KALRN: variants seen among roughly 807,000 people sequenced by gnomAD.
The protein encoded by KALRN is kalirin RhoGEF kinase.
Under a neutral mutation model 353.7 loss-of-function variants are expected in KALRN, and 70 were observed. The ratio of observed to expected loss-of-function variants is 0.20; its 90% CI spans 0.16 to 0.24. The LOEUF (loss-of-function observed/expected upper bound fraction) is 0.24, where lower values mean the gene tolerates loss of function less well. Ranked by LOEUF, KALRN falls within the 10% of genes least tolerant of loss-of-function variation. The pLI is 1.00. For missense variants in KALRN, 2,791 were observed against 3,756.7 expected, an observed-to-expected ratio of 0.74 and a Z score of 6.72; for synonymous variants, 1,391 against 1,434.8, an observed-to-expected ratio of 0.97 and a Z score of 0.69.
intron 5 of KALRN, 46 bp from the exon 6 acceptor site, chr3:124,298,745 G>T (rs762350699): frequency 1.9e-6 from 3 of 1,611,384 alleles, no homozygotes; most frequent in East Asian, 2.2e-5. Context: ...TGCCCTATTC[G>T]ACCCATGACC....
intron 34 of KALRN, among the ~76,000 whole-genome samples, chr3:124,630,733 G>A (rs1320067653): frequency 6.6e-6 from 1 of 152,134 alleles, no homozygotes; most frequent in Non-Finnish European, 1.5e-5. Flanking sequence ...AGAATGAAAT[G>A]ATAGTCCACA....
intron 3 of KALRN, among the ~76,000 whole-genome samples, chr3:124,252,642 T>TTCCAAAGGTTACC (rs2071338174): frequency 6.6e-6 from 1 of 152,176 alleles, no homozygotes; most frequent in Admixed American, 6.5e-5. Flanking sequence ...CTCTTTGGAA[T>TTCCAAAGGTTACC]AATAACCTGG....
At position 124,657,464 on chromosome 3, in the gene KALRN, T is replaced by A; in HGVS notation, c.5879T>A (p.Ile1960Lys). The change falls in exon 40 of 60, where the codon ATA becomes AAA. Residue 1960 changes from isoleucine to lysine, a missense_variant. Physicochemically the swap from Ile to Lys is moderately radical, Grantham distance 102. Coordinates refer to ENST00000682506, the MANE Select transcript of KALRN (RefSeq NM_001388419.1). ...CTGCTGCAGGGCTTCATGAAGAGAATAGAAGAAAAGGGTGTCCCTGAGGAT... is the reference window on the plus strand; with the variant it reads ...CTGCTGCAGGGCTTCATGAAGAGAAAAGAAGAAAAGGGTGTCCCTGAGGAT... The part of the protein sequence containing the change: ...GIVVEGFMKR[I>K]EEKGVPEDMR... 6.2e-7 allele frequency: 1 copy of A among 1,613,390 alleles called. No individual in the cohort carries two copies. The highest frequency in any genetic ancestry group is 8.5e-7 in the Non-Finnish European group (1 of 1,179,388).
chr3:124,210,226 G>C (rs2076787503), intron 1 of KALRN, among the ~76,000 whole-genome samples: 1 of 152,178 alleles, frequency 6.6e-6, no homozygotes, highest in Admixed American at 6.5e-5. Flanking sequence ...TCAGTGCCTA[G>C]AATATAACAA....
At chr3:124,237,366 C>CT (rs551869197) in intron 3 of KALRN, among the ~76,000 whole-genome samples, 236 of 135,566 alleles carry the variant, frequency 1.7e-3, no homozygotes, top group Middle Eastern at 3.7e-3. Context: ...TCATTTGATG[C>CT]TTTTTTTTTT....
chr3:124,706,784 G>A (rs1184711563), intron 57 of KALRN, among the ~76,000 whole-genome samples: 1 of 151,562 alleles, frequency 6.6e-6, no homozygotes, highest in Admixed American at 6.6e-5. Context: ...TGGCCAGGCT[G>A]ATCTCAAACT....
At chr3:124,493,145 C>T (rs1041679025) in intron 32 of KALRN, among the ~76,000 whole-genome samples, 1 of 152,178 alleles carries the variant, frequency 6.6e-6, no homozygotes, top group African/African-American at 2.4e-5. Context: ...TGAGTCGATT[C>T]CCTTAAGAGC....
At chr3:124,209,042 C>T (rs1053898224) in intron 1 of KALRN, among the ~76,000 whole-genome samples, 9 of 151,774 alleles carry the variant, frequency 5.9e-5, no homozygotes, top group East Asian at 3.9e-4. Context: ...TAGTAAAAGC[C>T]CTAAACTCCT....
chr3:124,414,745 T>TCCGA lies in KALRN; in HGVS notation c.2542+1083_2542+1086dup, dbSNP rs546275649. On this transcript the variant is annotated intron_variant, in intron 14 of 59. Transcript: ENST00000682506. ...AGTGCTAGAGCCCAGATCTCTACCT[T>TCCGA]CCGACCCACTCCACTGCCCTCCTAC... is the stretch of plus-strand genomic sequence containing the variant. 3.6e-3 allele frequency among the ~76,000 whole-genome samples: 541 copies of TCCGA among 152,244 alleles called. 1 individual carries two copies. Among genetic ancestry groups the TCCGA allele is most frequent in the Middle Eastern group, 6.8e-3 (2 of 294 alleles).
Position 124,268,963 on chromosome 3 carries a change from G to A in KALRN, c.677G>A (p.Arg226Gln), listed in dbSNP as rs754207770. The A allele has an allele frequency of 5.0e-6, 8 of 1,614,016 alleles. No homozygotes were observed. The highest frequency in any genetic ancestry group is 2.2e-5 in the South Asian group (2 of 91,078). ...KEFPVDVEGS[R>Q]RLIDEHTQLK... ...TTTCCTGTGGATGTGGAGGGCTCTC[G>A]GCGGCTCATTGACGAACACACACAG... Residue 226 changes from arginine (R) to glutamine (Q), a missense_variant, in exon 5 of 60, where the codon CGG becomes CAG. Arg to Gln is a conservative substitution (Grantham distance 43). Transcript: ENST00000682506.
At chr3:124,384,651 A>G in intron 10 of KALRN, 194 bp from the exon 11 acceptor site, 2 of 491,074 alleles carry the variant, frequency 4.1e-6, no homozygotes, top group Non-Finnish European at 7.3e-6. Flanking sequence ...TGAGGCACCT[A>G]GCTGGTGCCC....
chr3:124,478,155 A>T (rs1553996508), intron 27 of KALRN, among the ~76,000 whole-genome samples: 1 of 152,214 alleles, frequency 6.6e-6, no homozygotes, highest in Non-Finnish European at 1.5e-5. Context: ...GAAAGATGAA[A>T]TTGGGGAAAA....
At chr3:124,487,880 G>A (rs1028185226) in intron 28 of KALRN, among the ~76,000 whole-genome samples, 1 of 151,946 alleles carries the variant, frequency 6.6e-6, no homozygotes, top group African/African-American at 2.4e-5. Context: ...CTCTGTTCAC[G>A]TGCTTTGCCA....
intron 34 of KALRN, among the ~76,000 whole-genome samples, chr3:124,620,123 A>T (rs1356256544): frequency 6.6e-6 from 1 of 151,882 alleles, no homozygotes; most frequent in Non-Finnish European, 1.5e-5. Context: ...GTTTTGAGAC[A>T]GAGGTCTCAC....
At position 124,572,495 on chromosome 3, in the gene KALRN, G is replaced by T. The variant is rs1004588529; in HGVS notation, c.5182+9406G>T. On this transcript the variant is annotated intron_variant, in intron 34 of 59. Transcript: ENST00000682506. ...TTTAGTTCTCAGGGAATCAGATGGG[G>T]TGGGAAGAAGACAGGGTATGAAATG... 1.4e-4 allele frequency among the ~76,000 whole-genome samples: 22 copies of T among 152,090 alleles called. 1 individual carries two copies. The highest frequency in any genetic ancestry group is 7.9e-4 in the Admixed American group (12 of 15,276).
At chr3:124,477,726 G>C (rs1577262234) in intron 27 of KALRN, among the ~76,000 whole-genome samples, 1 of 152,170 alleles carries the variant, frequency 6.6e-6, no homozygotes, top group East Asian at 1.9e-4. Context: ...TATTAAATCA[G>C]AATCTCTTGC....
intron 1 of KALRN, among the ~76,000 whole-genome samples, chr3:124,075,590 ATC>A (rs2060220673): frequency 6.6e-6 from 1 of 151,808 alleles, no homozygotes. Context: ...TCTCTGTGAA[ATC>A]TCTATCTGGT....
At chr3:124,642,806 G>GTTGTTTTTTTGT (rs796628603) in intron 37 of KALRN, among the ~76,000 whole-genome samples, 1 of 96,840 alleles carries the variant, frequency 1.0e-5, no homozygotes, top group East Asian at 4.7e-4. Flanking sequence ...CCCAAGCCTC[G>GTTGTTTTTTTGT]TTTTTTTTTT....
intron 5 of KALRN, among the ~76,000 whole-genome samples, chr3:124,276,838 C>G (rs1386792670): frequency 1.3e-5 from 2 of 152,240 alleles, no homozygotes; most frequent in African/African-American, 2.4e-5. Context: ...GGCATCATTT[C>G]ACAGATGGGA....
Sources: gnomAD v4.1 joint callset for allele counts (sites outside exome capture counted in the v4.1 genomes callset) on GRCh38, gnomAD v4.1.1 for gene constraint, MANE v1.5 for transcripts, NCBI Gene and HGNC (gene_info 2026-07-23, HGNC 2026-07-21) for gene names.